The following MOB3B variants were observed in gnomAD, a reference collection of about 807,000 sequenced individuals.
MOB3B encodes the protein MOB kinase activator-like 2B.
Under a neutral mutation model 18.7 loss-of-function variants are expected in MOB3B, and 7 were observed. The observed-to-expected ratio is 0.37, with a 90% CI of 0.21 to 0.70. The LOEUF (loss-of-function observed/expected upper bound fraction) is 0.70. Among genes scored for constraint, MOB3B ranks in the 30% least tolerant of loss-of-function variants. The pLI is 0.52. For missense variants in MOB3B, 253 were observed against 281.3 expected, an observed-to-expected ratio of 0.90 and a Z score of 0.72; for synonymous variants, 111 against 99.9, an observed-to-expected ratio of 1.11 and a Z score of -0.66.
chr9:27,483,155 C>T (rs1432183122), intron 1 of MOB3B, among the ~76,000 whole-genome samples: 124 of 87,722 alleles, frequency 1.4e-3, no homozygotes, highest in African/African-American at 5.0e-3. Flanking sequence ...TTTTTTGAGA[C>T]GGAGTCTTGC....
intron 2 of MOB3B, among the ~76,000 whole-genome samples, chr9:27,419,127 C>G (rs1822202422): frequency 6.9e-6 from 1 of 145,906 alleles, no homozygotes; most frequent in South Asian, 2.2e-4. Flanking sequence ...ACAAGGAAAA[C>G]TACAAAACCC....
intron 2 of MOB3B, among the ~76,000 whole-genome samples, chr9:27,418,399 C>A (rs556931959): frequency 6.6e-6 from 1 of 152,122 alleles, no homozygotes; most frequent in East Asian, 1.9e-4. Context: ...AAACTACAGA[C>A]CAATATCCCT....
intron 1 of MOB3B, among the ~76,000 whole-genome samples, chr9:27,516,191 G>C (rs1317055356): frequency 6.6e-6 from 1 of 152,202 alleles, no homozygotes; most frequent in African/African-American, 2.4e-5. Flanking sequence ...TGGACTTCCA[G>C]ACTCTAGGAC....
intron 2 of MOB3B, among the ~76,000 whole-genome samples, chr9:27,437,530 T>A (rs1822528984): frequency 6.6e-6 from 1 of 152,180 alleles, no homozygotes; most frequent in African/African-American, 2.4e-5. Context: ...TTATTACTGG[T>A]CATTGATGAA....
intron 2 of MOB3B, among the ~76,000 whole-genome samples, chr9:27,404,059 T>C (rs565683078): frequency 5.9e-5 from 9 of 152,286 alleles, no homozygotes; most frequent in African/African-American, 2.2e-4. Flanking sequence ...TTGTACCCAT[T>C]AACCCTCCTC....
At chr9:27,417,628 A>T (rs1822173391) in intron 2 of MOB3B, among the ~76,000 whole-genome samples, 1 of 152,198 alleles carries the variant, frequency 6.6e-6, no homozygotes, top group Non-Finnish European at 1.5e-5. Context: ...AAGGGAAAAG[A>T]AAAACAAAAA....
intron 1 of MOB3B, among the ~76,000 whole-genome samples, chr9:27,462,883 A>G (rs1312988007): frequency 1.3e-5 from 2 of 152,234 alleles, no homozygotes; most frequent in East Asian, 1.9e-4. Context: ...AGAAGACTGG[A>G]AATTCGAAAA....
At chr9:27,381,487 C>G (rs1230552449) in intron 2 of MOB3B, among the ~76,000 whole-genome samples, 1 of 152,066 alleles carries the variant, frequency 6.6e-6, no homozygotes, top group Non-Finnish European at 1.5e-5. Flanking sequence ...CTGAGTGGCC[C>G]TGGAATTCTG....
At chr9:27,379,289 A>G (rs1563854185) in intron 2 of MOB3B, among the ~76,000 whole-genome samples, 1 of 152,116 alleles carries the variant, frequency 6.6e-6, no homozygotes, top group Non-Finnish European at 1.5e-5. Context: ...ACCCTTGGGG[A>G]TTCTAACGCA....
chr9:27,451,979 C>G (rs1277348118), intron 2 of MOB3B, among the ~76,000 whole-genome samples: 3 of 152,144 alleles, frequency 2.0e-5, no homozygotes, highest in Non-Finnish European at 2.9e-5. Flanking sequence ...TGAAGACTCT[C>G]ATAGTGAAGG....
At chr9:27,497,688 T>C (rs1819921620) in intron 1 of MOB3B, among the ~76,000 whole-genome samples, 1 of 152,184 alleles carries the variant, frequency 6.6e-6, no homozygotes, top group Non-Finnish European at 1.5e-5. Context: ...TATTCCTTTC[T>C]CTTAGCAATG....
chr9:27,340,908 C>T (rs1820931175), intron 3 of MOB3B, among the ~76,000 whole-genome samples: 1 of 152,236 alleles, frequency 6.6e-6, no homozygotes, highest in African/African-American at 2.4e-5. Flanking sequence ...GTCAGCGCAG[C>T]TGGATTGGTT....
intron 1 of MOB3B, among the ~76,000 whole-genome samples, chr9:27,515,935 T>C (rs940426930): frequency 5.5e-4 from 84 of 152,190 alleles, no homozygotes; most frequent in Non-Finnish European, 1.0e-4. Context: ...TAAGAAGATG[T>C]CATACTGGAT....
intron 1 of MOB3B, chr9:27,525,877 TA>T (rs765840313): frequency 2.6e-5 from 4 of 152,242 alleles, no homozygotes; most frequent in African/African-American, 4.8e-5. Flanking sequence ...TTTATCTTTT[TA>T]AAAGTTACTT....
chr9:27,466,501 G>A (rs977064956), intron 1 of MOB3B, among the ~76,000 whole-genome samples: 5 of 152,038 alleles, frequency 3.3e-5, no homozygotes, highest in Non-Finnish European at 7.4e-5. Context: ...CCACATTTTC[G>A]GGTATCTTTT....
In MOB3B at chr9:27,529,704, G is replaced by A; in HGVS notation, c.-348C>T. On this transcript the variant is annotated 5_prime_UTR_variant, in exon 1 of 4. Coordinates refer to ENST00000262244, the MANE Select transcript of MOB3B (RefSeq NM_024761.5). ...CTCTGCCGCCGGTGCGCGAGGTCCC[G>A]GCGAGCCAACCGGCGGACGGGCGAG... 1 of 985,374 alleles carries A rather than the reference G, an allele frequency of 1.0e-6. No individual in the cohort carries two copies. Among genetic ancestry groups the A allele is most frequent in the Non-Finnish European group, 1.2e-6 (1 of 829,898 alleles). The allele number at this position is 985,374 out of a possible 1,614,324, so 61.0% of individuals were successfully genotyped here.
chr9:27,506,511 T>A (rs1820061483), intron 1 of MOB3B, among the ~76,000 whole-genome samples: 1 of 148,334 alleles, frequency 6.7e-6, no homozygotes, highest in East Asian at 2.0e-4. Flanking sequence ...TGCCAGACCC[T>A]TTAATTATGT....
intron 2 of MOB3B, chr9:27,378,251 A>G (rs1821520058): frequency 2.3e-6 from 1 of 427,896 alleles, no homozygotes; most frequent in Non-Finnish European, 4.9e-6. Context: ...TTCTAGACTG[A>G]AAAGACTGTG....
rs758503601 is a variant in MOB3B, at chr9:27,383,560, TC to T, written c.419-24325del. On this transcript the variant is annotated intron_variant, in intron 2 of 3. Transcript: ENST00000262244. ...ATTGACAGAATGGACTTGGGGTGGC[TC>T]CTGGGTCAAGTCAAGAAGGACAAGC... Among the ~76,000 whole-genome samples, 12 of 152,150 alleles carry T rather than the reference TC, an allele frequency of 7.9e-5. No homozygotes were observed. In the East Asian group the frequency reaches 1.2e-3, roughly 15 times the overall value.
Sources: allele counts gnomAD v4.1 joint callset (sites outside exome capture counted in the v4.1 genomes callset), GRCh38; gene constraint gnomAD v4.1.1; transcripts MANE v1.5; gene names NCBI Gene and HGNC (gene_info 2026-07-23, HGNC 2026-07-21).